Variants in UBN2 observed in about 807,000 individuals in gnomAD.
UBN2 encodes ubinuclein 2.
Under a neutral mutation model 120.2 loss-of-function variants are expected in UBN2, and 35 were observed. The ratio of observed to expected loss-of-function variants is 0.29; its 90% CI spans 0.22 to 0.39. The LOEUF (loss-of-function observed/expected upper bound fraction) is 0.39, where lower values mean the gene tolerates loss of function less well. Ranked by LOEUF, UBN2 falls within the 10% of genes least tolerant of loss-of-function variation. UBN2 has a pLI of 1.00. For missense variants in UBN2, 1,693 were observed against 1,663.2 expected, an observed-to-expected ratio of 1.02 and a Z score of -0.31; for synonymous variants, 661 against 648.7, an observed-to-expected ratio of 1.02 and a Z score of -0.29.
intron 3 of UBN2, among the ~76,000 whole-genome samples, chr7:139,253,836 A>G (rs935801295): frequency 4.6e-5 from 7 of 152,236 alleles, no homozygotes; most frequent in African/African-American, 1.7e-4. Context: ...AGAAGGTGAC[A>G]CTAGGTGACT....
chr7:139,328,275 C>A, the UBN2 span, among the ~76,000 whole-genome samples: 19 of 152,166 alleles, frequency 1.2e-4, no homozygotes, highest in Non-Finnish European at 7.4e-5. Context: ...TACATGGTGG[C>A]AGGGGAGAGA....
chr7:139,265,415 T>C (rs749190592), intron 6 of UBN2, among the ~76,000 whole-genome samples: 39 of 152,174 alleles, frequency 2.6e-4, no homozygotes, highest in Non-Finnish European at 4.3e-4. Context: ...GAGGTGGAGA[T>C]TGCAGTAAGC....
chr7:139,289,499 G>A (rs1425742718), intron 15 of UBN2, among the ~76,000 whole-genome samples: 1 of 148,044 alleles, frequency 6.8e-6, no homozygotes, highest in Non-Finnish European at 1.5e-5. Flanking sequence ...TGCAGCTTCC[G>A]CCTCTAGGGT....
the UBN2 span, among the ~76,000 whole-genome samples, chr7:139,322,383 A>G: frequency 6.6e-6 from 1 of 152,240 alleles, no homozygotes; most frequent in Non-Finnish European, 1.5e-5. Flanking sequence ...CTAGGAAAGA[A>G]CGTATCATTA....
At chr7:139,234,434 A>G (rs187410656) in intron 1 of UBN2, among the ~76,000 whole-genome samples, 1 of 152,256 alleles carries the variant, frequency 6.6e-6, no homozygotes, top group Admixed American at 6.5e-5. Flanking sequence ...TCTATGCTCT[A>G]TTTGTATTAA....
At chr7:139,259,150 A>C (rs547161287) in intron 4 of UBN2, 117 bp from the exon 5 acceptor site, 1 of 1,445,650 alleles carries the variant, frequency 6.9e-7, no homozygotes, top group Admixed American at 2.6e-5. Flanking sequence ...CAGTTATAAC[A>C]AACGATTGTA....
At position 139,292,615 on chromosome 7, in the gene UBN2, T is replaced by A. The variant is rs564432139; in HGVS notation, c.3670-617T>A. 2.0e-3 allele frequency among the ~76,000 whole-genome samples: 297 copies of A among 152,272 alleles called. 1 individual carries two copies. The highest frequency in any genetic ancestry group is 6.7e-3 in the African/African-American group (279 of 41,546). On this transcript the variant is annotated intron_variant, in intron 15 of 17. Transcript: ENST00000473989. ...TAGTTGCTAGGAGTTGGGGAAGAGC[T>A]AGAATAACAGTGTGGTTATAAAAAA...
At chr7:139,291,066 C>T (rs1048185300) in intron 15 of UBN2, among the ~76,000 whole-genome samples, 2 of 152,060 alleles carry the variant, frequency 1.3e-5, no homozygotes, top group Non-Finnish European at 2.9e-5. Context: ...TTTTCCTGAT[C>T]AAATTTAGAT....
At chr7:139,256,369 A>C (rs1796767011) in intron 3 of UBN2, among the ~76,000 whole-genome samples, 1 of 152,172 alleles carries the variant, frequency 6.6e-6, no homozygotes, top group South Asian at 2.1e-4. Context: ...AAATTATCAG[A>C]ACTAATTTTT....
At chr7:139,262,949 G>A (rs1355854044) in intron 6 of UBN2, among the ~76,000 whole-genome samples, 2 of 152,098 alleles carry the variant, frequency 1.3e-5, no homozygotes, top group African/African-American at 2.4e-5. Context: ...AATAGCTATC[G>A]TTTATTTAGC....
chr7:139,270,002 G>A (rs1006254926), intron 8 of UBN2, among the ~76,000 whole-genome samples: 1 of 152,196 alleles, frequency 6.6e-6, no homozygotes, highest in African/African-American at 2.4e-5. Context: ...TAGGGACAGG[G>A]TCTCACTGTG....
At chr7:139,321,891 C>A in the UBN2 span, among the ~76,000 whole-genome samples, 1 of 152,106 alleles carries the variant, frequency 6.6e-6, no homozygotes, top group Non-Finnish European at 1.5e-5. Context: ...ACCCCACGGA[C>A]TCCAGGCTGG....
chr7:139,256,606 G>A (rs973711606), intron 3 of UBN2, among the ~76,000 whole-genome samples: 2 of 152,118 alleles, frequency 1.3e-5, no homozygotes, highest in Admixed American at 1.3e-4. Context: ...ATAAAGCATT[G>A]TACAAAACAA....
chr7:139,273,408 C>T lies in UBN2; in HGVS notation c.1827C>T (p.Ile609=). 2 of 1,572,044 alleles carry T rather than the reference C, an allele frequency of 1.3e-6. No homozygotes were observed. Among genetic ancestry groups the T allele is most frequent in the South Asian group, 1.2e-5 (1 of 83,720 alleles). The change falls in exon 10 of 18, where the codon ATC becomes ATT. Residue 609 remains isoleucine (I), a splice_region_variant and synonymous_variant. Transcript: ENST00000473989. The part of the protein sequence containing the change: ...PRKKFHWDDT[I]RTLLCNLVEI... ...AGAAATTCCACTGGGATGACACTAT[C>T]AGGTAAGATTTAATTAGTTTTCACT...
chr7:139,272,909 G>A (rs776405501), intron 9 of UBN2, among the ~76,000 whole-genome samples: 11 of 152,180 alleles, frequency 7.2e-5, no homozygotes, highest in Non-Finnish European at 1.2e-4. Flanking sequence ...CTGCTGACTT[G>A]ATATAATTGA....
chr7:139,299,054 A>G lies in UBN2; in HGVS notation c.*1218A>G, dbSNP rs1052096249. The stretch of plus-strand genomic sequence containing the variant: ...TAAAGCTTCACTATTTACTCAGTGT[A>G]TTGGTATGTGAGTAAATCTGCAGAA... On this transcript the variant is annotated 3_prime_UTR_variant, in exon 18 of 18. Transcript: ENST00000473989. 7 of 152,182 alleles carry G rather than the reference A, an allele frequency of 4.6e-5. No individual in the cohort carries two copies. The highest frequency in any genetic ancestry group is 8.8e-5 in the Non-Finnish European group (6 of 68,024). 9.4% of individuals were successfully genotyped at this position (152,182 alleles called of 1,614,324 possible).
chr7:139,259,085 T>A (rs1796850311), intron 4 of UBN2, among the ~76,000 whole-genome samples, 182 bp from the exon 5 acceptor site: 1 of 152,182 alleles, frequency 6.6e-6, no homozygotes, highest in African/African-American at 2.4e-5. Flanking sequence ...AGGTTCTAAC[T>A]CAGATAACTG....
In UBN2 at chr7:139,303,006, TTTAGAAGCAGG is replaced by T. The variant is rs1162388993; in HGVS notation, c.*5175_*5185del. 6.6e-6 allele frequency: 1 copy of T among 152,188 alleles called. No individual in the cohort carries two copies. The highest frequency in any genetic ancestry group is 1.5e-5 in the Non-Finnish European group (1 of 68,026). 9.4% of individuals were successfully genotyped at this position (152,188 alleles called of 1,614,324 possible). Reference sequence around the variant, plus strand: ...TTAGAACCGCAGTTTGGTGTCTAAGTTTAGAAGCAGGTTAGCAACTGTCAACATGAAAAATG... The same window carrying T: ...TTAGAACCGCAGTTTGGTGTCTAAGTTTAGCAACTGTCAACATGAAAAATG... On this transcript the variant is annotated 3_prime_UTR_variant, in exon 18 of 18. Coordinates refer to ENST00000473989, the MANE Select transcript of UBN2 (RefSeq NM_173569.4).
chr7:139,291,683 C>G (rs945898448), intron 15 of UBN2, among the ~76,000 whole-genome samples: 3 of 151,660 alleles, frequency 2.0e-5, no homozygotes, highest in Non-Finnish European at 2.9e-5. Flanking sequence ...CCCATCTCTA[C>G]AAAAACATAT....
Sources: allele counts gnomAD v4.1 joint callset (sites outside exome capture counted in the v4.1 genomes callset), GRCh38; gene constraint gnomAD v4.1.1; transcripts MANE v1.5; gene names NCBI Gene and HGNC (gene_info 2026-07-23, HGNC 2026-07-21).